NRG1: variants seen among roughly 807,000 people sequenced by gnomAD.
NRG1 encodes the protein neuregulin 1.
A neutral mutation model predicts 63.8 loss-of-function variants in NRG1; 18 were observed. The observed-to-expected ratio is 0.28, with a 90% CI of 0.19 to 0.42. NRG1 has a LOEUF of 0.42. Among genes scored for constraint, NRG1 ranks in the 10% least tolerant of loss-of-function variants. The pLI is 1.00. For synonymous variants in NRG1, 302 were observed against 301.3 expected, an observed-to-expected ratio of 1.00 and a Z score of -0.02; for missense variants, 762 against 814.7, an observed-to-expected ratio of 0.94 and a Z score of 0.79.
intron 1 of NRG1, among the ~76,000 whole-genome samples, chr8:31,914,335 A>T (rs1833198515): frequency 6.6e-6 from 1 of 150,664 alleles, no homozygotes. Flanking sequence ...CTTTGTTAAA[A>T]TCCTGTGCAG....
intron 1 of NRG1, among the ~76,000 whole-genome samples, chr8:32,454,941 G>T (rs528445072): frequency 6.6e-6 from 1 of 152,058 alleles, no homozygotes; most frequent in Non-Finnish European, 1.5e-5. Flanking sequence ...GATAAGTTTA[G>T]ATGTATAAAT....
In NRG1 at chr8:32,536,872, G is replaced by A. The variant is rs560410419; in HGVS notation, c.38-58956G>A. Among the ~76,000 whole-genome samples, 408 of 134,288 alleles carry A rather than the reference G, an allele frequency of 3.0e-3. 4 individuals are homozygous for A. Among genetic ancestry groups the A allele is most frequent in the African/African-American group, 8.5e-3 (303 of 35,710 alleles). The allele number at this position is 134,288 out of a possible 152,430, so 88.1% of individuals were successfully genotyped here. On this transcript the variant is annotated intron_variant, in intron 1 of 10. Transcript: ENST00000519301. The stretch of plus-strand genomic sequence containing the variant: ...CCGGGAGGCGGAGCTTGCAGTGAGC[G>A]GAGATGCGCCACTGCCCTCCAGCCT...
chr8:32,294,318 T>TC (rs1263058770), intron 1 of NRG1, among the ~76,000 whole-genome samples: 1 of 152,188 alleles, frequency 6.6e-6, no homozygotes, highest in Non-Finnish European at 1.5e-5. Context: ...AAGCATGTGC[T>TC]CTGGCTGGTC....
intron 1 of NRG1, among the ~76,000 whole-genome samples, chr8:31,793,397 T>C (rs192444502): frequency 7.2e-5 from 11 of 152,282 alleles, no homozygotes; most frequent in Admixed American, 2.6e-4. Flanking sequence ...ACCTGCTGAA[T>C]TGAAAAGGGG....
intron 1 of NRG1, among the ~76,000 whole-genome samples, chr8:32,382,353 G>C (rs983573917): frequency 7.2e-5 from 11 of 152,120 alleles, no homozygotes; most frequent in Non-Finnish European, 1.5e-4. Flanking sequence ...TATACAACCT[G>C]TGTAAAGCCA....
intron 1 of NRG1, among the ~76,000 whole-genome samples, chr8:31,900,292 A>T (rs531260487): frequency 7.9e-4 from 121 of 152,292 alleles, no homozygotes; most frequent in Non-Finnish European, 1.4e-3. Context: ...AATGGAATAG[A>T]TATCTGTGTC....
intron 1 of NRG1, among the ~76,000 whole-genome samples, chr8:32,240,371 G>T (rs1195934366): frequency 6.6e-6 from 1 of 152,134 alleles, no homozygotes; most frequent in Non-Finnish European, 1.5e-5. Flanking sequence ...TAGAAATGGA[G>T]AACAGATTAG....
chr8:31,639,386 G>C (rs913609130), exon 1 of NRG1: 34 of 1,534,554 alleles, frequency 2.2e-5, no homozygotes, highest in Non-Finnish European at 2.9e-5. Flanking sequence ...GCTCCGCTCC[G>C]GCAGCAGCAT....
intron 1 of NRG1, among the ~76,000 whole-genome samples, chr8:31,745,419 G>A (rs1052198618): frequency 3.9e-5 from 6 of 151,948 alleles, no homozygotes; most frequent in African/African-American, 1.2e-4. Context: ...GACATGATTT[G>A]CAAATATAAT....
chr8:32,715,080 C>T (rs1818843764), intron 5 of NRG1, among the ~76,000 whole-genome samples: 1 of 151,874 alleles, frequency 6.6e-6, no homozygotes, highest in Non-Finnish European at 1.5e-5. Flanking sequence ...CCTCAGTTTC[C>T]CAAGTAGCTG....
chr8:32,673,593 TA>T (rs1343423558), intron 5 of NRG1, among the ~76,000 whole-genome samples: 2 of 152,154 alleles, frequency 1.3e-5, no homozygotes, highest in African/African-American at 4.8e-5. Flanking sequence ...GAAAATGGAT[TA>T]AAAAAACACA....
intron 1 of NRG1, among the ~76,000 whole-genome samples, chr8:31,829,055 T>G (rs1392422381): frequency 6.6e-6 from 1 of 152,206 alleles, no homozygotes; most frequent in Admixed American, 6.5e-5. Flanking sequence ...GCTAGTCTCA[T>G]GCTTTCCACG....
intron 1 of NRG1, among the ~76,000 whole-genome samples, chr8:31,957,201 T>TC (rs1804592954): frequency 6.6e-6 from 1 of 151,768 alleles, no homozygotes; most frequent in African/African-American, 2.4e-5. Flanking sequence ...TTTTTTTTTT[T>TC]TTCTTGTCTT....
rs369880784 is a variant in NRG1, at chr8:32,241,469, T to A, written c.38-354359T>A. On this transcript the variant is annotated intron_variant, in intron 1 of 10. Transcript: ENST00000519301. ...TTAATTTACAAAGCCTCGGATTGCATATCCATCACATTTGTAGAAAGTATT... is the reference window on the plus strand; with the variant it reads ...TTAATTTACAAAGCCTCGGATTGCAAATCCATCACATTTGTAGAAAGTATT... 9.2e-5 allele frequency among the ~76,000 whole-genome samples: 14 copies of A among 152,296 alleles called. No homozygotes were observed. The East Asian group carries it at 1.2e-3, about 13-fold the overall frequency.
intron 1 of NRG1, among the ~76,000 whole-genome samples, chr8:31,999,839 T>G (rs990530773): frequency 1.3e-5 from 2 of 151,966 alleles, no homozygotes; most frequent in Non-Finnish European, 2.9e-5. Context: ...ATTTTGTAAA[T>G]AAACAGCTAT....
At chr8:32,177,034 T>C (rs1333858231) in intron 1 of NRG1, among the ~76,000 whole-genome samples, 1 of 152,216 alleles carries the variant, frequency 6.6e-6, no homozygotes, top group Non-Finnish European at 1.5e-5. Flanking sequence ...CACACATATG[T>C]TTATTGTGGC....
At chr8:31,799,277 A>G (rs1821524595) in intron 1 of NRG1, among the ~76,000 whole-genome samples, 1 of 152,118 alleles carries the variant, frequency 6.6e-6, no homozygotes, top group African/African-American at 2.4e-5. Context: ...TAAGTTGAAG[A>G]AAGTCAAACT....
chr8:32,681,967 C>G (rs1808764787), intron 5 of NRG1, among the ~76,000 whole-genome samples: 1 of 152,074 alleles, frequency 6.6e-6, no homozygotes, highest in Non-Finnish European at 1.5e-5. Context: ...CTTTAAGTAC[C>G]TATTCAGTGA....
intron 1 of NRG1, among the ~76,000 whole-genome samples, chr8:31,685,584 A>T (rs1159045434): frequency 6.6e-6 from 1 of 152,204 alleles, no homozygotes; most frequent in African/African-American, 2.4e-5. Context: ...GAGCTATGCA[A>T]CCATGATCAT....
Sources: allele counts gnomAD v4.1 joint callset (sites outside exome capture counted in the v4.1 genomes callset), GRCh38; gene constraint gnomAD v4.1.1; transcripts MANE v1.5; gene names NCBI Gene and HGNC (gene_info 2026-07-23, HGNC 2026-07-21).